The following KIF5A variants were observed in gnomAD, a reference collection of about 807,000 sequenced individuals.
The protein encoded by KIF5A is kinesin family member 5A, also known as kinesin heavy chain isoform 5A.
In KIF5A, 35 loss-of-function variants were observed where a neutral mutation model predicts 141.3. The observed-to-expected ratio is 0.25, with a 90% CI of 0.19 to 0.33. The LOEUF is 0.33. Among genes scored for constraint, KIF5A ranks in the 10% least tolerant of loss-of-function variants. The probability of loss-of-function intolerance (pLI) is 1.00; values close to 1 mark genes in which losing one functional copy is unlikely to be tolerated. For missense variants in KIF5A, 861 were observed against 1,314.3 expected, an observed-to-expected ratio of 0.66 and a Z score of 5.33; for synonymous variants, 448 against 500.2, an observed-to-expected ratio of 0.90 and a Z score of 1.39.
chr12:57,581,035 A>C lies in KIF5A; in HGVS notation c.2618A>C (p.Lys873Thr). 1 of 1,614,142 alleles carries C rather than the reference A, an allele frequency of 6.2e-7. No individual in the cohort carries two copies. Among genetic ancestry groups the C allele is most frequent in the Admixed American group, 1.7e-5 (1 of 60,008 alleles). ...CTTAGGGCTACGGCTGAGAGAGTTA[A>C]GGCCCTGGAGGGTGCACTGAAGGAG... ...KRLRATAERV[K>T]ALEGALKEAK... The change falls in exon 24 of 29, where the codon AAG becomes ACG. Residue 873 changes from lysine to threonine, a missense_variant. By Grantham distance (78) the Lys-to-Thr change is moderately conservative. Transcript: ENST00000455537.
In KIF5A at chr12:57,569,189, A is replaced by T. The variant is rs1298023481; in HGVS notation, c.820-67A>T. 4.4e-6 allele frequency: 7 copies of T among 1,600,350 alleles called. No homozygotes were observed. The African/African-American group carries it at 8.1e-5, about 18-fold the overall frequency. On this transcript the variant is annotated intron_variant, in intron 9 of 28. Transcript: ENST00000455537. ...TGTCTGATCCCGGGGTGGCACCACTATCCTTTCTGATTCCCTGTTGAATTT... is the reference window on the plus strand; with the variant it reads ...TGTCTGATCCCGGGGTGGCACCACTTTCCTTTCTGATTCCCTGTTGAATTT...
chr12:57,569,449 C>T lies in KIF5A; in HGVS notation c.968+45C>T, dbSNP rs763224593. The T allele has an allele frequency of 1.9e-6, 3 of 1,613,446 alleles. No homozygotes were observed. The African/African-American group carries it at 4.0e-5, about 22-fold the overall frequency. ...GAGGGATCCCTGGTACCCAGCTTCC[C>T]ATCCCAGCCTCTGCGGCTCTCTCTC... On this transcript the variant is annotated intron_variant, in intron 10 of 28. Transcript: ENST00000455537.
Position 57,572,869 on chromosome 12 carries a change from T to C in KIF5A, c.1716+143T>C. The C allele has an allele frequency of 9.9e-7, 1 of 1,014,832 alleles. No homozygotes were observed. The highest frequency in any genetic ancestry group is 1.5e-6 in the Non-Finnish European group (1 of 645,668). 62.9% of individuals were successfully genotyped at this position (1,014,832 alleles called of 1,614,324 possible). On this transcript the variant is annotated intron_variant, in intron 15 of 28. Coordinates refer to ENST00000455537, the MANE Select transcript of KIF5A (RefSeq NM_004984.4). This position sits in a 1 kb window ranked among gnomAD's most constrained non-coding sequence, Gnocchi z 4.2. The stretch of plus-strand genomic sequence containing the variant: ...TTTGAACTAGACCCAGGAAGACAGG[T>C]AGAGGCTTGTATAGACCCAATTGAA...
rs1882726849 is a variant in KIF5A, at chr12:57,585,345, G to C, written c.*1164G>C. The C allele has an allele frequency of 6.5e-6, 1 of 154,120 alleles. No homozygotes were observed. The highest frequency in any genetic ancestry group is 2.0e-4 in the South Asian group (1 of 4,916). 9.5% of individuals were successfully genotyped at this position (154,120 alleles called of 1,614,324 possible). ...CTCTAATGTCCCCATCTGGTATTAA[G>C]TGCACTTTAAAGAAAGGGGCAGGGT... On this transcript the variant is annotated 3_prime_UTR_variant, in exon 29 of 29. Transcript: ENST00000455537.
At chr12:57,576,998 C>T (rs1408140151) in intron 20 of KIF5A, 136 bp downstream of exon 20, 12 of 681,762 alleles carry the variant, frequency 1.8e-5, no homozygotes, top group South Asian at 3.0e-5. Context: ...GGGGTAGGGA[C>T]GGGACCAAAA....
At chr12:57,581,790 G>A in intron 25 of KIF5A, 80 bp from the exon 26 acceptor site, 1 of 1,375,134 alleles carries the variant, frequency 7.3e-7, no homozygotes, top group South Asian at 1.2e-5. Context: ...CTCTATCACT[G>A]AGGATGAGTG....
At chr12:57,577,646 G>A in intron 20 of KIF5A, 67 bp from the exon 21 acceptor site, 6 of 1,171,286 alleles carry the variant, frequency 5.1e-6, no homozygotes, top group Non-Finnish European at 7.7e-6. Flanking sequence ...AAAAGTAATA[G>A]AGGAAGAGGC....
intron 15 of KIF5A, among the ~76,000 whole-genome samples, 153 bp from the exon 16 acceptor site, chr12:57,574,931 G>A (rs1037227249): frequency 1.3e-5 from 2 of 152,110 alleles, no homozygotes; most frequent in Non-Finnish European, 2.9e-5. Flanking sequence ...GTGAAATGCC[G>A]CTGATAGAGA....
chr12:57,565,547 G>C (rs1327561959), intron 6 of KIF5A, among the ~76,000 whole-genome samples: 4 of 152,122 alleles, frequency 2.6e-5, no homozygotes, highest in African/African-American at 9.7e-5. Flanking sequence ...AGAAGGCTGA[G>C]GTGGGAGGAT....
intron 1 of KIF5A, among the ~76,000 whole-genome samples, chr12:57,562,698 A>C (rs141119516): frequency 5.3e-4 from 81 of 152,340 alleles, no homozygotes; most frequent in African/African-American, 1.9e-3. Context: ...CTAACTTTGC[A>C]TCTTTCACTT....
At chr12:57,559,625 C>T (rs2140156501) in intron 1 of KIF5A, among the ~76,000 whole-genome samples, 1 of 152,244 alleles carries the variant, frequency 6.6e-6, no homozygotes, top group South Asian at 2.1e-4. Context: ...CATGTAACCA[C>T]TACACAGATC....
chr12:57,564,617 C>A, intron 5 of KIF5A, 109 bp downstream of exon 5: 1 of 969,224 alleles, frequency 1.0e-6, no homozygotes, highest in Non-Finnish European at 1.7e-6. Context: ...AGAGGGCACA[C>A]AGCACCCAAG....
chr12:57,561,018 G>T (rs920493683), intron 1 of KIF5A, among the ~76,000 whole-genome samples: 3 of 151,952 alleles, frequency 2.0e-5, no homozygotes, highest in South Asian at 4.1e-4. Flanking sequence ...AAAATAGAGA[G>T]ATTTTTTGAT....
chr12:57,566,823 C>G (rs1042181030), intron 6 of KIF5A, among the ~76,000 whole-genome samples: 1 of 152,006 alleles, frequency 6.6e-6, no homozygotes, highest in South Asian at 2.1e-4. Context: ...AGGCGGATCA[C>G]GAGGTCAGGA....
chr12:57,563,040 C>T (rs1328386315), intron 1 of KIF5A, among the ~76,000 whole-genome samples: 17 of 150,018 alleles, frequency 1.1e-4, no homozygotes, highest in Non-Finnish European at 1.5e-4. Flanking sequence ...TGGAGTCTCG[C>T]TCTATCGCCA....
intron 1 of KIF5A, among the ~76,000 whole-genome samples, chr12:57,554,261 CTT>C (rs947436228): frequency 3.3e-5 from 5 of 152,170 alleles, no homozygotes; most frequent in African/African-American, 1.2e-4. Context: ...TACCTGACCT[CTT>C]TGAGCCTGTT....
intron 15 of KIF5A, 118 bp from the exon 16 acceptor site, chr12:57,574,966 A>G: frequency 1.2e-6 from 1 of 859,890 alleles, no homozygotes; most frequent in Non-Finnish European, 1.9e-6. Flanking sequence ...TTTGGAAAAT[A>G]CCCATCCCAT....
At chr12:57,558,178 G>A (rs1410485139) in intron 1 of KIF5A, among the ~76,000 whole-genome samples, 2 of 152,134 alleles carry the variant, frequency 1.3e-5, no homozygotes, top group East Asian at 1.9e-4. Context: ...GCCGAGGCGG[G>A]AGGATCACTT....
intron 3 of KIF5A, 141 bp downstream of exon 3, chr12:57,563,834 A>T (rs1287359797): frequency 1.2e-6 from 1 of 807,684 alleles, no homozygotes; most frequent in Non-Finnish European, 2.1e-6. Flanking sequence ...CTGAAGGGCA[A>T]TATTAGGGGA....
Sources: allele counts gnomAD v4.1 joint callset (sites outside exome capture counted in the v4.1 genomes callset), GRCh38; gene constraint gnomAD v4.1.1; non-coding constraint Gnocchi (gnomAD v3.1); transcripts MANE v1.5; gene names NCBI Gene and HGNC (gene_info 2026-07-23, HGNC 2026-07-21).